PTPRN2: variants seen among roughly 807,000 people sequenced by gnomAD.
PTPRN2 encodes receptor-type tyrosine-protein phosphatase N2.
Under a neutral mutation model 118.8 loss-of-function variants are expected in PTPRN2, and 74 were observed. The observed-to-expected ratio is 0.62, with a 90% confidence interval of 0.52 to 0.76. The LOEUF (loss-of-function observed/expected upper bound fraction) is 0.76. Among genes scored for constraint, PTPRN2 ranks in the 30% least tolerant of loss-of-function variants. The pLI is 0.00. For missense variants in PTPRN2, 1,481 were observed against 1,394.4 expected, an observed-to-expected ratio of 1.06 and a Z score of -0.99; for synonymous variants, 641 against 608.0, an observed-to-expected ratio of 1.05 and a Z score of -0.80.
intron 9 of PTPRN2, among the ~76,000 whole-genome samples, chr7:158,131,371 G>A (rs1423088417): frequency 1.3e-4 from 11 of 81,822 alleles, no homozygotes; most frequent in Admixed American, 2.6e-4. Context: ...ACATCTACCC[G>A]ACACACACAC....
At chr7:157,738,293 G>A (rs985366177) in intron 12 of PTPRN2, among the ~76,000 whole-genome samples, 1 of 152,188 alleles carries the variant, frequency 6.6e-6, no homozygotes, top group African/African-American at 2.4e-5. Flanking sequence ...TCCCACCACC[G>A]GGAAGGAGGC....
intron 12 of PTPRN2, among the ~76,000 whole-genome samples, chr7:157,839,710 A>G (rs1261982025): frequency 6.7e-6 from 1 of 150,038 alleles, no homozygotes; most frequent in African/African-American, 2.5e-5. Flanking sequence ...GTGGGAGTGC[A>G]TGTCTGTGTG....
chr7:158,265,901 G>A (rs527799596), intron 3 of PTPRN2, among the ~76,000 whole-genome samples: 34 of 152,302 alleles, frequency 2.2e-4, no homozygotes, highest in African/African-American at 7.0e-4. Context: ...TGGGGGCTGC[G>A]TCCACCCCAT....
At chr7:157,878,321 G>A (rs59758942) in intron 12 of PTPRN2, among the ~76,000 whole-genome samples, 5,653 of 143,088 alleles carry the variant, frequency 0.04, 249 homozygotes, top group East Asian at 0.15. Flanking sequence ...AGGAGCTCTC[G>A]GATTCCGTGG....
rs936439490 is a variant in PTPRN2 at position 157,861,764 on chromosome 7, G to A, written c.1788+36909C>T. Among the ~76,000 whole-genome samples, 3 of 152,232 alleles carry A rather than the reference G, an allele frequency of 2.0e-5. No homozygotes were observed. Among genetic ancestry groups the A allele is most frequent in the East Asian group, 1.9e-4 (1 of 5,194 alleles). ...GCAGCCCTCGGCCCACAGACACAGC[G>A]CTTCCCTCCTGCCTCCGAGCCACGC... is the stretch of plus-strand genomic sequence containing the variant. On this transcript the variant is annotated intron_variant, in intron 12 of 22. Coordinates refer to ENST00000389418, the MANE Select transcript of PTPRN2 (RefSeq NM_002847.5). The surrounding 1 kb of genome is among the most constrained non-coding windows in gnomAD (Gnocchi z 5.8).
chr7:157,578,217 AG>A, intron 17 of PTPRN2, 77 bp from the exon 18 acceptor site: 1 of 1,464,738 alleles, frequency 6.8e-7, no homozygotes. Context: ...TGCACTCGGA[AG>A]CACAGTCCAA....
intron 12 of PTPRN2, among the ~76,000 whole-genome samples, chr7:157,840,219 G>C (rs1325177371): frequency 3.3e-5 from 5 of 149,300 alleles, no homozygotes; most frequent in Non-Finnish European, 7.4e-5. Context: ...GTGTGGCCAC[G>C]TGTGACTGTG....
Position 158,038,058 on chromosome 7 carries a change from T to C in PTPRN2, c.1723+43240A>G, listed in dbSNP as rs867885454. Among the ~76,000 whole-genome samples, 9 of 152,332 alleles carry C rather than the reference T, an allele frequency of 5.9e-5. 1 individual carries two copies. The highest frequency in any genetic ancestry group is 1.3e-4 in the Non-Finnish European group (9 of 68,028). On this transcript the variant is annotated intron_variant, in intron 11 of 22. Transcript: ENST00000389418. Reference sequence around the variant, plus strand: ...GCCAAGGGCTCTGTCTGGAGCTGGATGGTGACTACACAGCACAGTCAACAG... The same window carrying C: ...GCCAAGGGCTCTGTCTGGAGCTGGACGGTGACTACACAGCACAGTCAACAG...
At chr7:157,727,846 G>A (rs1237199237) in intron 12 of PTPRN2, among the ~76,000 whole-genome samples, 1 of 152,166 alleles carries the variant, frequency 6.6e-6, no homozygotes, top group African/African-American at 2.4e-5. Flanking sequence ...AGCTGCAGCA[G>A]CCCCTGCCCT....
intron 12 of PTPRN2, among the ~76,000 whole-genome samples, chr7:157,766,635 T>C (rs976455126): frequency 6.6e-6 from 1 of 152,246 alleles, no homozygotes; most frequent in Admixed American, 6.5e-5. Flanking sequence ...CACAAATGCC[T>C]GTGCTGCGGG....
intron 2 of PTPRN2, among the ~76,000 whole-genome samples, chr7:158,472,577 G>C (rs1426502570): frequency 1.3e-5 from 2 of 152,172 alleles, no homozygotes; most frequent in Non-Finnish European, 2.9e-5. Flanking sequence ...CTGGAATAGA[G>C]AGAGCAGGTT....
intron 2 of PTPRN2, among the ~76,000 whole-genome samples, chr7:158,465,768 G>C (rs1230508395): frequency 6.6e-6 from 1 of 152,192 alleles, no homozygotes; most frequent in African/African-American, 2.4e-5. Context: ...GGAAAAGCCA[G>C]CTACCTGCCA....
chr7:158,220,873 T>A (rs1828308957), intron 3 of PTPRN2, among the ~76,000 whole-genome samples: 1 of 141,886 alleles, frequency 7.0e-6, no homozygotes. Flanking sequence ...ATAAAATTCA[T>A]ATGGATCCAA....
intron 2 of PTPRN2, among the ~76,000 whole-genome samples, chr7:158,480,633 T>C (rs1820585314): frequency 6.6e-6 from 1 of 152,132 alleles, no homozygotes; most frequent in Admixed American, 6.5e-5. Context: ...GTTGTGAATG[T>C]AAAGGAAAAG....
At chr7:157,755,037 T>G (rs1801697780) in intron 12 of PTPRN2, among the ~76,000 whole-genome samples, 1 of 152,108 alleles carries the variant, frequency 6.6e-6, no homozygotes, top group Non-Finnish European at 1.5e-5. Flanking sequence ...GGGTGTGCGC[T>G]GCCACGCCCG....
intron 12 of PTPRN2, among the ~76,000 whole-genome samples, chr7:157,728,343 G>A (rs956444054): frequency 6.6e-5 from 10 of 152,236 alleles, no homozygotes; most frequent in Admixed American, 2.0e-4. Flanking sequence ...AAGAAGGCGC[G>A]TGAAGATCTT....
At chr7:157,958,159 C>T (rs1191143774) in intron 11 of PTPRN2, among the ~76,000 whole-genome samples, 1 of 152,172 alleles carries the variant, frequency 6.6e-6, no homozygotes, top group Admixed American at 6.5e-5. Flanking sequence ...ATATCATCAT[C>T]TCAACTGATC....
At chr7:158,559,886 G>A (rs889738446) in intron 1 of PTPRN2, among the ~76,000 whole-genome samples, 3 of 152,310 alleles carry the variant, frequency 2.0e-5, no homozygotes, top group Admixed American at 6.5e-5. Flanking sequence ...AGAATAAAAT[G>A]TACCATCTTA....
chr7:157,870,933 G>A (rs1430184063), intron 12 of PTPRN2, among the ~76,000 whole-genome samples: 2 of 152,220 alleles, frequency 1.3e-5, no homozygotes, highest in African/African-American at 4.8e-5. Flanking sequence ...AGTGGAGATA[G>A]CTTTGGGTTT....
Sources: gnomAD v4.1 joint callset for allele counts (sites outside exome capture counted in the v4.1 genomes callset) on GRCh38, gnomAD v4.1.1 for gene constraint, Gnocchi (gnomAD v3.1) non-coding constraint, MANE v1.5 for transcripts, NCBI Gene and HGNC (gene_info 2026-07-23, HGNC 2026-07-21) for gene names.